Variants in JAKMIP3 observed in about 807,000 individuals in gnomAD.
The protein encoded by JAKMIP3 is janus kinase and microtubule-interacting protein 3.
JAKMIP3 carries 58 observed loss-of-function variants against 118.5 expected under a neutral mutation model. The ratio of observed to expected loss-of-function variants is 0.49; its 90% CI spans 0.40 to 0.61. JAKMIP3 has a LOEUF of 0.61. JAKMIP3 is among the 20% of genes least tolerant of loss of function. JAKMIP3 has a pLI of 0.00. For synonymous variants in JAKMIP3, 486 were observed against 451.2 expected (o/e 1.08, Z -0.98); for missense variants, 950 against 1,109.0 (o/e 0.86, Z 2.04).
intron 23 of JAKMIP3, among the ~76,000 whole-genome samples, chr10:132,180,654 TGTGCGTGTGTGCGTGTGTGTGCGCGC>T (rs2060971852): frequency 8.2e-5 from 2 of 24,308 alleles, no homozygotes; most frequent in Non-Finnish European, 1.5e-4. Context: ...TGCGTGTGCG[TGTGCGTGTGTGCGTGTGTGTGCGCGC>T]GCGTGTGTGT....
chr10:132,136,057 C>T lies in JAKMIP3; in HGVS notation c.1097C>T (p.Thr366Ile). 6.2e-7 allele frequency: 1 copy of T among 1,613,650 alleles called. No individual in the cohort carries two copies. The highest frequency in any genetic ancestry group is 8.5e-7 in the Non-Finnish European group (1 of 1,179,858). ...RRMENKLKFV[T>I]QENIEMRQRA... ...ATGGAAAACAAGTTAAAATTTGTCA[C>T]CCAGGAGAACATAGAAATGGTGAGG... Residue 366 changes from threonine to isoleucine, a missense_variant, in exon 6 of 24, where the codon ACC becomes ATC. Physicochemically the swap from Thr to Ile is moderately conservative, Grantham distance 89. Transcript: ENST00000684848.
chr10:132,112,561 C>T lies in JAKMIP3; in HGVS notation c.136-4516C>T, dbSNP rs769529509. 6.6e-6 allele frequency among the ~76,000 whole-genome samples: 1 copy of T among 152,196 alleles called. No homozygotes were observed. The highest frequency in any genetic ancestry group is 1.9e-4 in the East Asian group (1 of 5,200). Reference sequence around the variant, plus strand: ...TCTTCAGTGTTTTTGTCTACAAAGTCCCGCTTGGCTCTGTGTTCACAGAGA... The same window carrying T: ...TCTTCAGTGTTTTTGTCTACAAAGTTCCGCTTGGCTCTGTGTTCACAGAGA... On this transcript the variant is annotated intron_variant, in intron 2 of 23. Transcript: ENST00000684848. The surrounding 1 kb of genome is among the most constrained non-coding windows in gnomAD (Gnocchi z 4.3).
intron 1 of JAKMIP3, among the ~76,000 whole-genome samples, chr10:132,043,286 C>T (rs532320198): frequency 9.8e-4 from 149 of 152,198 alleles, no homozygotes; most frequent in Non-Finnish European, 1.1e-3. Context: ...CTCACTGCAG[C>T]CTTGACCTCC....
rs544129339 is a variant in JAKMIP3, at chr10:132,097,975, CTCCCCTTCCCCT to C, written c.-137-6678_-137-6667del. On this transcript the variant is annotated intron_variant, in intron 1 of 23. Coordinates refer to ENST00000684848, the MANE Select transcript of JAKMIP3 (RefSeq NM_001323087.2). Reference sequence around the variant, plus strand: ...ATCCCCTTTCCCTTTCCTTCCTTTTCTCCCCTTCCCCTTCCCCTTCCCCTTCCCCTCCTTCCT... The same window carrying C: ...ATCCCCTTTCCCTTTCCTTCCTTTTCTCCCCTTCCCCTTCCCCTCCTTCCT... Among the ~76,000 whole-genome samples, 39 of 34,582 alleles carry C rather than the reference CTCCCCTTCCCCT, an allele frequency of 1.1e-3. 2 individuals are homozygous for C. The highest frequency in any genetic ancestry group is 3.6e-3 in the African/African-American group (39 of 10,760). 22.7% of individuals were successfully genotyped at this position (34,582 alleles called of 152,430 possible). A position where few individuals can be genotyped will look rare whatever the true frequency, so the allele number is the denominator to read the frequency against.
In JAKMIP3 at chr10:132,040,143, C is replaced by T. The variant is rs541790509; in HGVS notation, c.-138+3405C>T. Among the ~76,000 whole-genome samples the T allele has an allele frequency of 4.4e-3, 664 of 152,104 alleles. 6 individuals are homozygous for T. Among genetic ancestry groups the T allele is most frequent in the African/African-American group, 0.015 (643 of 41,488 alleles). On this transcript the variant is annotated intron_variant, in intron 1 of 23. Transcript: ENST00000657785. ...GGGGGGTGGGCCCTTTGGGAGCTGACGGGGTGAGATGAGGTTATAGGGTGG... is the reference window on the plus strand; with the variant it reads ...GGGGGGTGGGCCCTTTGGGAGCTGATGGGGTGAGATGAGGTTATAGGGTGG...
Position 132,137,811 on chromosome 10 carries a change from A to G in JAKMIP3, c.1285-308A>G, listed in dbSNP as rs554330157. Among the ~76,000 whole-genome samples, 11 of 152,320 alleles carry G rather than the reference A, an allele frequency of 7.2e-5. No individual in the cohort carries two copies. In the East Asian group the frequency reaches 2.1e-3, roughly 29 times the overall value. Reference sequence around the variant, plus strand: ...CATGAGTCCCCTTCCAGCTTCCCACAACTGTGTGCCCCTCAAGTCACCTGC... The same window carrying G: ...CATGAGTCCCCTTCCAGCTTCCCACGACTGTGTGCCCCTCAAGTCACCTGC... On this transcript the variant is annotated intron_variant, in intron 8 of 23. Coordinates refer to ENST00000684848, the MANE Select transcript of JAKMIP3 (RefSeq NM_001323087.2).
intron 1 of JAKMIP3, among the ~76,000 whole-genome samples, chr10:132,080,852 T>G (rs574195284): frequency 6.6e-6 from 1 of 152,294 alleles, no homozygotes; most frequent in South Asian, 2.1e-4. Context: ...ATCCTGGACA[T>G]GAACCCCTTA....
chr10:132,173,646 A>C (rs1036598795), intron 23 of JAKMIP3, among the ~76,000 whole-genome samples: 1 of 152,020 alleles, frequency 6.6e-6, no homozygotes, highest in Non-Finnish European at 1.5e-5. Context: ...TCTTTGAAAA[A>C]ATTTACATGT....
chr10:132,146,954 A>G (rs1358975624), intron 13 of JAKMIP3, among the ~76,000 whole-genome samples: 1 of 152,256 alleles, frequency 6.6e-6, no homozygotes, highest in Non-Finnish European at 1.5e-5. Flanking sequence ...GCCTGCGTGC[A>G]CACTTGAACA....
At chr10:132,122,276 G>T (rs1009380874) in intron 3 of JAKMIP3, among the ~76,000 whole-genome samples, 2 of 151,740 alleles carry the variant, frequency 1.3e-5, no homozygotes, top group African/African-American at 4.8e-5. Flanking sequence ...CTCCCCGGCT[G>T]TTGGGGCCCT....
At chr10:132,136,904 C>T (rs2818390) in intron 6 of JAKMIP3, 115 bp from the exon 7 acceptor site, 764,783 of 1,176,244 alleles carry the variant, frequency 0.65, 250,677 homozygotes, top group African/African-American at 0.77. Context: ...GGCCGCCAGC[C>T]GGGCAGCTGA....
intron 23 of JAKMIP3, among the ~76,000 whole-genome samples, chr10:132,169,370 C>T (rs988688881): frequency 2.0e-5 from 3 of 152,196 alleles, no homozygotes; most frequent in Non-Finnish European, 4.4e-5. Flanking sequence ...TCTCCGAGTG[C>T]GCCTCCCTCC....
At chr10:132,180,664 T>TGTGCGC (rs1554963106) in intron 23 of JAKMIP3, among the ~76,000 whole-genome samples, 4 of 31,662 alleles carry the variant, frequency 1.3e-4, no homozygotes, top group African/African-American at 7.4e-4. Flanking sequence ...TGTGCGTGTG[T>TGTGCGC]GCGTGTGTGT....
At chr10:132,090,264 G>A (rs534367555) in intron 1 of JAKMIP3, among the ~76,000 whole-genome samples, 3 of 152,194 alleles carry the variant, frequency 2.0e-5, no homozygotes, top group Admixed American at 6.5e-5. Flanking sequence ...TCTGTTGATT[G>A]GAATAGTTTC....
chr10:132,069,545 G>C (rs1254458055), intron 1 of JAKMIP3, among the ~76,000 whole-genome samples: 2 of 152,062 alleles, frequency 1.3e-5, no homozygotes, highest in Non-Finnish European at 2.9e-5. Context: ...AAGCTCTGCT[G>C]TTTGAAGCTG....
At chr10:132,070,463 C>T (rs1290891969) in intron 1 of JAKMIP3, among the ~76,000 whole-genome samples, 1 of 152,166 alleles carries the variant, frequency 6.6e-6, no homozygotes, top group African/African-American at 2.4e-5. Context: ...TCTGTCCTCC[C>T]TTTAACAGCA....
chr10:132,059,076 C>T (rs149001634), intron 1 of JAKMIP3, among the ~76,000 whole-genome samples: 1 of 152,348 alleles, frequency 6.6e-6, no homozygotes, highest in Non-Finnish European at 1.5e-5. Flanking sequence ...GCTGTTCGCG[C>T]GGACGACAAA....
In JAKMIP3 at chr10:132,042,178, C is replaced by T. The variant is rs111433479; in HGVS notation, c.-138+5440C>T. Among the ~76,000 whole-genome samples, 345 of 145,040 alleles carry T rather than the reference C, an allele frequency of 2.4e-3. 2 individuals are homozygous for T. Among genetic ancestry groups the T allele is most frequent in the African/African-American group, 8.6e-3 (328 of 38,000 alleles). On this transcript the variant is annotated intron_variant, in intron 1 of 23. Coordinates refer to the JAKMIP3 transcript ENST00000657785. Reference sequence around the variant, plus strand: ...ACCGTGCCCCGCTAGTTCACTTGCTCGCTCGCTCCTTCCTTCCTTCCTTCC... The same window carrying T: ...ACCGTGCCCCGCTAGTTCACTTGCTTGCTCGCTCCTTCCTTCCTTCCTTCC...
At chr10:132,055,600 CG>C (rs2038216651) in intron 1 of JAKMIP3, among the ~76,000 whole-genome samples, 1 of 152,184 alleles carries the variant, frequency 6.6e-6, no homozygotes, top group African/African-American at 2.4e-5. Flanking sequence ...GTTTGCCCGC[CG>C]GCAAGCAGGG....
Sources: gnomAD v4.1 joint callset for allele counts (sites outside exome capture counted in the v4.1 genomes callset) on GRCh38, gnomAD v4.1.1 for gene constraint, Gnocchi (gnomAD v3.1) non-coding constraint, MANE v1.5 for transcripts, NCBI Gene and HGNC (gene_info 2026-07-23, HGNC 2026-07-21) for gene names.